Variants in EPHB1 observed in about 807,000 individuals in gnomAD.
The protein encoded by EPHB1 is ephrin type-B receptor 1.
Under a neutral mutation model 94.4 loss-of-function variants are expected in EPHB1, and 30 were observed. The ratio of observed to expected loss-of-function variants is 0.32; its 90% confidence interval spans 0.24 to 0.43. EPHB1 has a LOEUF of 0.43. EPHB1 is among the 20% of genes least tolerant of loss of function. The probability of loss-of-function intolerance (pLI) is 1.00; values close to 1 mark genes in which losing one functional copy is unlikely to be tolerated. For synonymous variants in EPHB1, 522 were observed against 489.1 expected (o/e 1.07, Z -0.89); for missense variants, 1,055 against 1,308.3 (o/e 0.81, Z 2.99).
At chr3:135,175,010 C>T (rs1382978847) in intron 9 of EPHB1, among the ~76,000 whole-genome samples, 1 of 152,198 alleles carries the variant, frequency 6.6e-6, no homozygotes, top group African/African-American at 2.4e-5. Flanking sequence ...GTGATCTCCA[C>T]TAAGATGTCC....
intron 3 of EPHB1, among the ~76,000 whole-genome samples, chr3:135,049,706 T>G (rs959931504): frequency 1.3e-5 from 2 of 152,228 alleles, no homozygotes; most frequent in African/African-American, 4.8e-5. Context: ...GAGTATCAGG[T>G]ACTTTGGGGA....
intron 1 of EPHB1, among the ~76,000 whole-genome samples, chr3:134,809,292 A>C (rs565539959): frequency 6.6e-6 from 1 of 152,298 alleles, no homozygotes; most frequent in East Asian, 1.9e-4. Context: ...TATCAGAAGA[A>C]GGCTCCATTT....
In EPHB1 at chr3:134,925,847, A is replaced by G. The variant is rs772410007; in HGVS notation, c.90A>G (p.Ala30=). Residue 30 remains alanine (A), a synonymous_variant, in exon 2 of 16, where the codon GCA becomes GCG. Coordinates refer to ENST00000398015, the MANE Select transcript of EPHB1 (RefSeq NM_004441.5). ...ETLMDTRTAT[A]ELGWTANPAS... The stretch of plus-strand genomic sequence containing the variant: ...TAATGGACACCAGAACGGCTACTGC[A>G]GAGCTGGGCTGGACGGCCAATCCTG... The G allele has an allele frequency of 1.9e-6, 3 of 1,605,488 alleles. No individual in the cohort carries two copies. The highest frequency in any genetic ancestry group is 2.2e-5 in the East Asian group (1 of 44,652).
At chr3:134,872,869 G>T (rs2037531818) in intron 1 of EPHB1, among the ~76,000 whole-genome samples, 1 of 152,206 alleles carries the variant, frequency 6.6e-6, no homozygotes, top group Non-Finnish European at 1.5e-5. Flanking sequence ...CCCTTGTCTA[G>T]TACGGAGCCT....
rs112749892 is a variant in EPHB1, at chr3:134,958,814, C to T, written c.805+6762C>T. Among the ~76,000 whole-genome samples, 1,400 of 152,266 alleles carry T rather than the reference C, an allele frequency of 9.2e-3. 14 individuals carry two copies. Among genetic ancestry groups the T allele is most frequent in the African/African-American group, 0.031 (1,274 of 41,550 alleles). ...AGCACAGGGAGCTGGAAGGATGCCC[C>T]TCTGCAGCATGGACTCCAGGATGCT... On this transcript the variant is annotated intron_variant, in intron 3 of 15. Coordinates refer to ENST00000398015, the MANE Select transcript of EPHB1 (RefSeq NM_004441.5).
intron 9 of EPHB1, among the ~76,000 whole-genome samples, chr3:135,167,462 G>A (rs72979552): frequency 0.021 from 3,140 of 152,258 alleles, 98 homozygotes; most frequent in African/African-American, 0.065. Flanking sequence ...AGCCCAAGAG[G>A]CCAAAGTGCT....
chr3:135,199,738 A>G (rs553993000), intron 11 of EPHB1, among the ~76,000 whole-genome samples: 1 of 152,372 alleles, frequency 6.6e-6, no homozygotes, highest in Admixed American at 6.5e-5. Flanking sequence ...GCAATCTTGC[A>G]TGAGGAACAG....
intron 5 of EPHB1, 34 bp from the exon 6 acceptor site, chr3:135,154,118 T>A: frequency 6.2e-7 from 1 of 1,613,336 alleles, no homozygotes; most frequent in African/African-American, 1.3e-5. Context: ...ATTGAGTGTC[T>A]GTTCAGCTAC....
intron 1 of EPHB1, among the ~76,000 whole-genome samples, chr3:134,833,074 C>T (rs1368473393): frequency 6.6e-6 from 1 of 152,172 alleles, no homozygotes; most frequent in Non-Finnish European, 1.5e-5. Context: ...TTCAGGAGTG[C>T]ATGCCCTTGG....
intron 7 of EPHB1, among the ~76,000 whole-genome samples, chr3:135,163,647 A>G (rs1190678512): frequency 4.6e-5 from 7 of 152,230 alleles, no homozygotes. Flanking sequence ...TAAAAGCCCA[A>G]AACTCAAAAT....
chr3:135,042,496 T>G (rs59262969), intron 3 of EPHB1, among the ~76,000 whole-genome samples: 303 of 152,322 alleles, frequency 2.0e-3, no homozygotes, highest in Middle Eastern at 6.8e-3. Flanking sequence ...AAAAAAAAAT[T>G]CACTGTTTTG....
At chr3:134,883,065 G>T (rs1272506851) in intron 1 of EPHB1, among the ~76,000 whole-genome samples, 1 of 151,992 alleles carries the variant, frequency 6.6e-6, no homozygotes, top group Admixed American at 6.6e-5. Context: ...CTTGTGATCC[G>T]CCTGTCTTGG....
chr3:134,921,951 AAGATGGGACTTGGGACCT>A (rs1241436016), intron 1 of EPHB1, among the ~76,000 whole-genome samples: 2 of 152,102 alleles, frequency 1.3e-5, no homozygotes. Context: ...CTAGGTAGTG[AAGATGGGACTTGGGACCT>A]GGTCTGCCCA....
chr3:135,193,930 T>C (rs1283172709), intron 11 of EPHB1, among the ~76,000 whole-genome samples: 1 of 152,236 alleles, frequency 6.6e-6, no homozygotes, highest in Non-Finnish European at 1.5e-5. Context: ...GTGGAGTCAG[T>C]TGCAGTAGCT....
chr3:134,979,521 G>A (rs528351259), intron 3 of EPHB1, among the ~76,000 whole-genome samples: 7 of 152,314 alleles, frequency 4.6e-5, no homozygotes, highest in East Asian at 1.9e-4. Context: ...AACAGTGAGC[G>A]TTTGTACAGG....
At chr3:134,830,761 G>C (rs2036567391) in intron 1 of EPHB1, among the ~76,000 whole-genome samples, 1 of 152,210 alleles carries the variant, frequency 6.6e-6, no homozygotes, top group African/African-American at 2.4e-5. Flanking sequence ...GCCTGGCCTT[G>C]GGCCGCAGAT....
intron 3 of EPHB1, among the ~76,000 whole-genome samples, chr3:134,956,248 C>T (rs1156856280): frequency 6.6e-6 from 1 of 152,032 alleles, no homozygotes; most frequent in African/African-American, 2.4e-5. Context: ...GTGACAACCC[C>T]TGAGTGGCCA....
chr3:135,241,658 A>G (rs1173081396), intron 13 of EPHB1, among the ~76,000 whole-genome samples: 2 of 152,192 alleles, frequency 1.3e-5, no homozygotes, highest in African/African-American at 4.8e-5. Context: ...CTTCCCTGTG[A>G]ACGACAGAGG....
intron 1 of EPHB1, among the ~76,000 whole-genome samples, chr3:134,812,531 T>C (rs765799108): frequency 5.9e-5 from 9 of 152,254 alleles, no homozygotes; most frequent in Non-Finnish European, 1.2e-4. Context: ...GACATTTGCT[T>C]ATAGTTTTTG....
Sources: allele counts gnomAD v4.1 joint callset (sites outside exome capture counted in the v4.1 genomes callset), GRCh38; gene constraint gnomAD v4.1.1; transcripts MANE v1.5; gene names NCBI Gene and HGNC (gene_info 2026-07-23, HGNC 2026-07-21).